KCNT1: variants seen among roughly 807,000 people sequenced by gnomAD.
KCNT1 encodes potassium channel subfamily T member 1.
Under a neutral mutation model 147.8 loss-of-function variants are expected in KCNT1, and 78 were observed. The observed-to-expected ratio is 0.53, with a 90% CI of 0.44 to 0.64. KCNT1 has a LOEUF of 0.64. KCNT1 is among the 30% of genes least tolerant of loss of function. KCNT1 has a pLI of 0.00. For missense variants in KCNT1, 1,419 were observed against 1,750.3 expected (o/e 0.81, Z 3.38); for synonymous variants, 867 against 748.8 (o/e 1.16, Z -2.58).
chr9:135,740,644 TGA>T (rs1588291760), intron 2 of KCNT1, among the ~76,000 whole-genome samples: 1 of 152,238 alleles, frequency 6.6e-6, no homozygotes, highest in Admixed American at 6.5e-5. Flanking sequence ...TAAGCAGGGC[TGA>T]GACCCTCTCC....
At chr9:135,791,476 C>T (rs562542262) in intron 29 of KCNT1, 27 of 350,172 alleles carry the variant, frequency 7.7e-5, no homozygotes, top group African/African-American at 3.8e-4. Flanking sequence ...GGCAGGTGTG[C>T]GCTGGTGTGT....
At chr9:135,774,614 ATGTTGTGTGTCGATGTGTG>A (rs535070689) in intron 19 of KCNT1, among the ~76,000 whole-genome samples, 201 of 136,244 alleles carry the variant, frequency 1.5e-3, no homozygotes, top group South Asian at 2.9e-3. Context: ...TGTGTTGTGT[ATGTTGTGTGTCGATGTGTG>A]TGTTGTGTGT....
intron 2 of KCNT1, among the ~76,000 whole-genome samples, chr9:135,749,010 A>AG (rs569784551): frequency 1.3e-3 from 205 of 152,330 alleles, no homozygotes; most frequent in African/African-American, 4.1e-3. Flanking sequence ...CGGGCCGTTT[A>AG]GGGGGACATG....
intron 2 of KCNT1, among the ~76,000 whole-genome samples, chr9:135,731,981 T>TAG (rs1836469804): frequency 2.6e-4 from 7 of 26,562 alleles, no homozygotes; most frequent in African/African-American, 5.4e-4. Context: ...TATATATATA[T>TAG]ATATATATAT....
Position 135,730,991 on chromosome 9 carries a change from A to G in KCNT1, c.254+16271A>G, listed in dbSNP as rs10858157. ...ACAAAGTGAGATCCCGTCTCAAGGT[A>G]AAAAAAAAAAAAAAAAAAAAAAGTG... On this transcript the variant is annotated intron_variant, in intron 2 of 30. Coordinates refer to ENST00000371757, the MANE Select transcript of KCNT1 (RefSeq NM_020822.3). This position sits in a 1 kb window ranked among gnomAD's most constrained non-coding sequence, Gnocchi z 4.7. Among the ~76,000 whole-genome samples, 409 of 33,934 alleles carry G rather than the reference A, an allele frequency of 0.012. 5 individuals carry two copies. The highest frequency in any genetic ancestry group is 0.016 in the South Asian group (21 of 1,284). The allele number at this position is 33,934 out of a possible 152,430, so 22.3% of individuals were successfully genotyped here. A position where few individuals can be genotyped will look rare whatever the true frequency, so the allele number is the denominator to read the frequency against.
intron 29 of KCNT1, chr9:135,788,888 C>T (rs572681616): frequency 6.6e-6 from 1 of 152,554 alleles, no homozygotes; most frequent in Non-Finnish European, 1.5e-5. Flanking sequence ...CAGAGCCTGC[C>T]CCCGCTGCCA....
chr9:135,763,066 A>G (rs1399822353), intron 11 of KCNT1, among the ~76,000 whole-genome samples: 5 of 152,224 alleles, frequency 3.3e-5, no homozygotes, highest in Non-Finnish European at 7.3e-5. Context: ...TGAGCGAGGC[A>G]GGGAGGAAGG....
chr9:135,785,464 C>G, intron 28 of KCNT1, 134 bp downstream of exon 28: 1 of 1,123,890 alleles, frequency 8.9e-7, no homozygotes, highest in Non-Finnish European at 1.3e-6. Flanking sequence ...GGAGCGGGTC[C>G]CACGGATGTG....
chr9:135,737,414 T>C (rs1830388227), intron 2 of KCNT1, among the ~76,000 whole-genome samples: 1 of 152,156 alleles, frequency 6.6e-6, no homozygotes, highest in African/African-American at 2.4e-5. Flanking sequence ...CAAGGCCTCA[T>C]CTGCAGCAGC....
In KCNT1 at chr9:135,772,898, A is replaced by G. The variant is rs539503566; in HGVS notation, c.2192A>G (p.Gln731Arg). ...ALLPCDLLSD[Q>R]SEDEVTPSDD... The stretch of plus-strand genomic sequence containing the variant: ...CTGCCCTGCGACCTGCTGAGCGACC[A>G]GTCGGAGGATGAGGTGACGCCGTCG... The change falls in exon 19 of 31, where the codon CAG becomes CGG. Residue 731 changes from glutamine to arginine, a missense_variant. Gln to Arg is a conservative substitution (Grantham distance 43, BLOSUM62 1). Transcript: ENST00000371757. 6 of 1,555,770 alleles carry G rather than the reference A, an allele frequency of 3.9e-6. No individual in the cohort carries two copies. Among genetic ancestry groups the G allele is most frequent in the East Asian group, 4.8e-5 (2 of 41,732 alleles).
At chr9:135,767,691 C>T (rs1832382082) in intron 13 of KCNT1, among the ~76,000 whole-genome samples, 2 of 152,156 alleles carry the variant, frequency 1.3e-5, no homozygotes, top group Admixed American at 6.5e-5. Context: ...CCTGCTCCTG[C>T]CAACCCTGGA....
intron 6 of KCNT1, among the ~76,000 whole-genome samples, chr9:135,756,384 C>T (rs1176316485): frequency 1.3e-5 from 2 of 152,134 alleles, no homozygotes; most frequent in Non-Finnish European, 2.9e-5. Flanking sequence ...CTGGCTGGCT[C>T]CTGGGTGGGT....
chr9:135,764,948 C>A, intron 11 of KCNT1, 83 bp from the exon 12 acceptor site: 1 of 1,460,686 alleles, frequency 6.8e-7, no homozygotes, highest in South Asian at 1.3e-5. Flanking sequence ...AACAGACAGT[C>A]GTGTGTCAGG....
At chr9:135,770,077 G>A (rs1399726024) in intron 16 of KCNT1, 22 bp downstream of exon 16, 3 of 1,536,652 alleles carry the variant, frequency 2.0e-6, no homozygotes, top group African/African-American at 1.4e-5. Context: ...GTGCCCCGGG[G>A]GACCGACCTC....
intron 1 of KCNT1, among the ~76,000 whole-genome samples, chr9:135,704,706 C>G (rs947473599): frequency 6.6e-6 from 1 of 152,226 alleles, no homozygotes; most frequent in Non-Finnish European, 1.5e-5. Context: ...CTGGGACCCT[C>G]TAGGCCCTGA....
At chr9:135,787,364 G>A (rs1564395811) in intron 29 of KCNT1, among the ~76,000 whole-genome samples, 1 of 152,172 alleles carries the variant, frequency 6.6e-6, no homozygotes, top group East Asian at 1.9e-4. Context: ...GAAGCCATGG[G>A]CCCCAGCTCC....
At chr9:135,770,478 G>C in intron 17 of KCNT1, 31 bp downstream of exon 17, 1 of 1,590,370 alleles carries the variant, frequency 6.3e-7, no homozygotes. Context: ...CAGGGCTGGC[G>C]CTCCAGGGCT....
At chr9:135,788,669 C>T (rs927801450) in intron 29 of KCNT1, among the ~76,000 whole-genome samples, 2 of 152,182 alleles carry the variant, frequency 1.3e-5, no homozygotes, top group African/African-American at 4.8e-5. Context: ...CTCCAAGCCA[C>T]GAGGAGTAGG....
At chr9:135,737,037 G>A in intron 2 of KCNT1, 1 of 244,874 alleles carries the variant, frequency 4.1e-6, no homozygotes, top group East Asian at 7.1e-5. Context: ...GCAGGGGAGG[G>A]AGGAAGTGGA....
Sources: gnomAD v4.1 joint callset for allele counts (sites outside exome capture counted in the v4.1 genomes callset) on GRCh38, gnomAD v4.1.1 for gene constraint, Gnocchi (gnomAD v3.1) non-coding constraint, MANE v1.5 for transcripts, NCBI Gene and HGNC (gene_info 2026-07-23, HGNC 2026-07-21) for gene names.